Variants in AGBL4 observed in about 807,000 individuals in gnomAD.
AGBL4 encodes the protein AGBL carboxypeptidase 4.
A neutral mutation model predicts 66.4 loss-of-function variants in AGBL4; 58 were observed. The ratio of observed to expected loss-of-function variants is 0.87; its 90% CI spans 0.71 to 1.09. AGBL4 has a LOEUF of 1.09. Ranked by LOEUF, AGBL4 falls within the 50% of genes least tolerant of loss-of-function variation. The pLI, the probability that AGBL4 is intolerant of heterozygous loss-of-function variation, is 0.00. For synonymous variants in AGBL4, 234 were observed against 222.9 expected (o/e 1.05, Z -0.44); for missense variants, 579 against 631.0 (o/e 0.92, Z 0.88).
At chr1:49,344,511 T>A (rs1645601453) in intron 3 of AGBL4, among the ~76,000 whole-genome samples, 1 of 152,180 alleles carries the variant, frequency 6.6e-6, no homozygotes, top group Non-Finnish European at 1.5e-5. Context: ...TTGTGAAAGA[T>A]TAATCTTGTA....
At chr1:49,019,644 C>A (rs1557566100) in intron 5 of AGBL4, among the ~76,000 whole-genome samples, 14 of 152,112 alleles carry the variant, frequency 9.2e-5, no homozygotes. Context: ...TTCAGGATAA[C>A]AAAAACAAAC....
chr1:48,668,640 G>A (rs1557866708), intron 6 of AGBL4, among the ~76,000 whole-genome samples: 1 of 152,142 alleles, frequency 6.6e-6, no homozygotes, highest in African/African-American at 2.4e-5. Flanking sequence ...TCAAGACTTG[G>A]TTCAGATGCA....
At chr1:49,395,953 AAG>A (rs1454001171) in intron 3 of AGBL4, among the ~76,000 whole-genome samples, 4 of 150,288 alleles carry the variant, frequency 2.7e-5, no homozygotes, top group Non-Finnish European at 5.9e-5. Flanking sequence ...TCTCAACTGG[AAG>A]AAGGTAGGAA....
intron 2 of AGBL4, among the ~76,000 whole-genome samples, chr1:49,725,098 C>T (rs1344398215): frequency 2.0e-5 from 3 of 152,024 alleles, no homozygotes; most frequent in Non-Finnish European, 4.4e-5. Context: ...TATTTTCCTA[C>T]TAAAATGACA....
intron 6 of AGBL4, among the ~76,000 whole-genome samples, chr1:48,848,221 T>C (rs141639143): frequency 1.3e-5 from 2 of 152,370 alleles, no homozygotes; most frequent in African/African-American, 4.8e-5. Flanking sequence ...TCACATCATG[T>C]CAGTTTCCTT....
intron 1 of AGBL4, among the ~76,000 whole-genome samples, chr1:49,875,266 A>C (rs1264663529): frequency 5.6e-5 from 8 of 143,874 alleles, no homozygotes; most frequent in South Asian, 2.3e-4. Context: ...CCAACTCGTC[A>C]TCTAGCATTA....
chr1:49,914,905 C>G lies in AGBL4; in HGVS notation c.35-63387G>C, dbSNP rs550661806. On this transcript the variant is annotated intron_variant, in intron 1 of 13. Transcript: ENST00000371839. ...AGAGAGAAAAGGGGGGCTGAACTCT[C>G]ATGTAACTAACCCACTCCCACAATA... 4.8e-4 allele frequency among the ~76,000 whole-genome samples: 73 copies of G among 152,226 alleles called. 1 individual carries two copies. In the South Asian group the frequency reaches 0.014, roughly 29 times the overall value.
At chr1:48,880,011 G>A (rs934968727) in intron 5 of AGBL4, among the ~76,000 whole-genome samples, 10 of 152,088 alleles carry the variant, frequency 6.6e-5, no homozygotes, top group African/African-American at 2.4e-4. Context: ...GTGGTATTTG[G>A]TTACATGAGT....
intron 6 of AGBL4, among the ~76,000 whole-genome samples, chr1:48,763,484 G>A (rs1369898615): frequency 6.6e-6 from 1 of 152,020 alleles, no homozygotes; most frequent in African/African-American, 2.4e-5. Context: ...GTGTGTGTAT[G>A]TGTGTGTGTG....
At chr1:49,672,994 A>G (rs948199851) in intron 3 of AGBL4, among the ~76,000 whole-genome samples, 1 of 151,938 alleles carries the variant, frequency 6.6e-6, no homozygotes, top group Non-Finnish European at 1.5e-5. Flanking sequence ...CTAACAAAGA[A>G]AAAGAAAAGA....
chr1:48,788,267 G>C (rs59111554), intron 6 of AGBL4, among the ~76,000 whole-genome samples: 10 of 152,210 alleles, frequency 6.6e-5, no homozygotes, highest in Non-Finnish European at 1.5e-4. Context: ...TACCTTCTGA[G>C]ATAATTTCTA....
At chr1:49,753,578 G>C (rs911887997) in intron 2 of AGBL4, among the ~76,000 whole-genome samples, 1 of 152,086 alleles carries the variant, frequency 6.6e-6, no homozygotes, top group African/African-American at 2.4e-5. Flanking sequence ...ATATCTCTGT[G>C]GTGTTGTCTG....
At chr1:49,121,394 T>A (rs138280824) in intron 4 of AGBL4, among the ~76,000 whole-genome samples, 1 of 152,294 alleles carries the variant, frequency 6.6e-6, no homozygotes, top group Non-Finnish European at 1.5e-5. Flanking sequence ...GAGGTTTTGT[T>A]GTAGATGCCT....
At chr1:49,979,625 T>C (rs961691830) in intron 1 of AGBL4, among the ~76,000 whole-genome samples, 8 of 152,208 alleles carry the variant, frequency 5.3e-5, no homozygotes, top group Non-Finnish European at 1.2e-4. Flanking sequence ...TTCCTGTTGC[T>C]TTTGTGGTGA....
At chr1:49,943,342 CT>C (rs1437545463) in intron 1 of AGBL4, among the ~76,000 whole-genome samples, 1 of 152,124 alleles carries the variant, frequency 6.6e-6, no homozygotes, top group Non-Finnish European at 1.5e-5. Flanking sequence ...GCATCATGAA[CT>C]TTTGCTCTAG....
chr1:49,194,693 A>G (rs1331844278), intron 4 of AGBL4, among the ~76,000 whole-genome samples: 1 of 152,170 alleles, frequency 6.6e-6, no homozygotes, highest in Non-Finnish European at 1.5e-5. Context: ...TTAGAGATCA[A>G]GTAAGAGACA....
chr1:49,939,204 G>T (rs1654468520), intron 1 of AGBL4, among the ~76,000 whole-genome samples: 1 of 151,416 alleles, frequency 6.6e-6, no homozygotes. Context: ...AATAAAAGAG[G>T]ATACAAACAA....
At chr1:49,045,878 G>T in intron 4 of AGBL4, 78 bp from the exon 5 acceptor site, 1 of 1,213,276 alleles carries the variant, frequency 8.2e-7, no homozygotes, top group Non-Finnish European at 1.2e-6. Context: ...ATAAATCAAT[G>T]CCTGGAGAAA....
chr1:48,789,957 ATTTTTC>A (rs1645507487), intron 6 of AGBL4, among the ~76,000 whole-genome samples: 2 of 152,184 alleles, frequency 1.3e-5, no homozygotes, highest in Non-Finnish European at 2.9e-5. Flanking sequence ...AACGAGGTAT[ATTTTTC>A]CACTTAAGAT....
Sources: allele counts gnomAD v4.1 joint callset (sites outside exome capture counted in the v4.1 genomes callset), GRCh38; gene constraint gnomAD v4.1.1; transcripts MANE v1.5; gene names NCBI Gene and HGNC (gene_info 2026-07-23, HGNC 2026-07-21).